Variants in LEPR observed in about 807,000 individuals in gnomAD.
LEPR encodes OB receptor.
Under a neutral mutation model 114.7 loss-of-function variants are expected in LEPR, and 56 were observed. The observed-to-expected ratio is 0.49, with a 90% confidence interval of 0.39 to 0.61. The LOEUF (loss-of-function observed/expected upper bound fraction) is 0.61. LEPR is among the 20% of genes least tolerant of loss of function. The pLI is 0.00. For missense variants in LEPR, 1,202 were observed against 1,352.9 expected (o/e 0.89, Z 1.75); for synonymous variants, 443 against 461.4 (o/e 0.96, Z 0.51).
At chr1:65,594,945 T>G (rs1655955457) in intron 6 of LEPR, among the ~76,000 whole-genome samples, 1 of 152,058 alleles carries the variant, frequency 6.6e-6, no homozygotes, top group Non-Finnish European at 1.5e-5. Context: ...TTTCTAATAT[T>G]AATGCATATT....
chr1:65,451,091 GTTCATGTCCT>G, intron 2 of LEPR, among the ~76,000 whole-genome samples: 1 of 151,934 alleles, frequency 6.6e-6, no homozygotes, highest in South Asian at 2.1e-4. Flanking sequence ...AGAAGTGTCT[GTTCATGTCCT>G]TTGCCCACTT....
chr1:65,430,607 G>T (rs975076414), intron 2 of LEPR, among the ~76,000 whole-genome samples: 1 of 152,086 alleles, frequency 6.6e-6, no homozygotes, highest in African/African-American at 2.4e-5. Flanking sequence ...CCTACTATTT[G>T]ATTTTATTCC....
intron 2 of LEPR, among the ~76,000 whole-genome samples, chr1:65,553,015 C>A (rs1024247525): frequency 1.9e-4 from 29 of 152,116 alleles, no homozygotes; most frequent in African/African-American, 5.3e-4. Context: ...GTTGAAAGTT[C>A]TTTTCTTTAA....
At chr1:65,550,654 T>C (rs1286799862) in intron 2 of LEPR, among the ~76,000 whole-genome samples, 1 of 152,172 alleles carries the variant, frequency 6.6e-6, no homozygotes, top group Non-Finnish European at 1.5e-5. Context: ...GTGCGCCCTT[T>C]CCTAAGCCTG....
intron 2 of LEPR, among the ~76,000 whole-genome samples, chr1:65,515,727 G>T (rs1007421968): frequency 1.3e-5 from 2 of 152,134 alleles, no homozygotes; most frequent in African/African-American, 4.8e-5. Flanking sequence ...CATTAATGGA[G>T]CAACTATATG....
At chr1:65,591,362 C>A (rs1266609910) in intron 5 of LEPR, among the ~76,000 whole-genome samples, 2 of 152,014 alleles carry the variant, frequency 1.3e-5, no homozygotes, top group African/African-American at 2.4e-5. Context: ...CGTTTTTATC[C>A]TTACTAATTT....
At chr1:65,518,889 C>CT (rs1277282315) in intron 2 of LEPR, among the ~76,000 whole-genome samples, 2 of 82,298 alleles carry the variant, frequency 2.4e-5, no homozygotes, top group Non-Finnish European at 2.8e-5. Context: ...TTCTTTCTTT[C>CT]TTTCTTTCTT....
intron 2 of LEPR, among the ~76,000 whole-genome samples, chr1:65,463,788 G>A (rs1646976154): frequency 6.6e-6 from 1 of 152,058 alleles, no homozygotes; most frequent in African/African-American, 2.4e-5. Flanking sequence ...TGTATTAATT[G>A]TGAATGGGAG....
At chr1:65,475,059 G>GA (rs11335638) in intron 2 of LEPR, among the ~76,000 whole-genome samples, 121 of 128,552 alleles carry the variant, frequency 9.4e-4, no homozygotes, top group African/African-American at 2.7e-3. Flanking sequence ...TTTGAAAGGT[G>GA]AAAAAAAAAA....
chr1:65,580,862 G>C (rs1654935182), intron 5 of LEPR, among the ~76,000 whole-genome samples: 1 of 152,158 alleles, frequency 6.6e-6, no homozygotes, highest in Non-Finnish European at 1.5e-5. Flanking sequence ...ATTTGCAAAG[G>C]CCCAGAGGCA....
chr1:65,448,082 A>T (rs1333065676), intron 2 of LEPR, among the ~76,000 whole-genome samples: 1 of 152,154 alleles, frequency 6.6e-6, no homozygotes, highest in Non-Finnish European at 1.5e-5. Flanking sequence ...GAGAGGGAAC[A>T]TCCTTATCTT....
At chr1:65,554,564 C>G (rs183151208) in intron 2 of LEPR, among the ~76,000 whole-genome samples, 1 of 152,236 alleles carries the variant, frequency 6.6e-6, no homozygotes, top group East Asian at 1.9e-4. Context: ...TTCCTTCCCC[C>G]ACCAAGCTTG....
chr1:65,549,667 C>T (rs1652119823), intron 2 of LEPR, among the ~76,000 whole-genome samples: 2 of 152,170 alleles, frequency 1.3e-5, no homozygotes, highest in African/African-American at 2.4e-5. Context: ...GCTCTATCAG[C>T]TCCTTTAAGC....
intron 2 of LEPR, among the ~76,000 whole-genome samples, chr1:65,438,102 C>T (rs1292030221): frequency 6.9e-6 from 1 of 145,426 alleles, no homozygotes; most frequent in Non-Finnish European, 1.5e-5. Context: ...TGGGCCATGG[C>T]TCCTAGCCGC....
chr1:65,601,583 C>G lies in LEPR; in HGVS notation c.1186C>G (p.Leu396Val), dbSNP rs748614395. ...TGTTAGCAAAGTTACTTTTTTCAAT[C>G]TGAATGAAACCAAACCTCGAGGAAA... ...DHVSKVTFFN[L>V]NETKPRGKFT... Residue 396 changes from leucine (L) to valine (V), a missense_variant, in exon 9 of 20, where the codon CTG becomes GTG. Transcript: ENST00000349533. 4 of 1,613,792 alleles carry G rather than the reference C, an allele frequency of 2.5e-6. No individual in the cohort carries two copies. Among genetic ancestry groups the G allele is most frequent in the African/African-American group, 1.3e-5 (1 of 75,036 alleles).
rs554196132 is a variant in LEPR, at chr1:65,467,620, T to C, written c.-21+42242T>C. The stretch of plus-strand genomic sequence containing the variant: ...GCAGAAGCCGTCTGCTACCTTTTGT[T>C]CTACTATACCCTGCCCCCAGAGGTG... On this transcript the variant is annotated intron_variant, in intron 2 of 19. Transcript: ENST00000349533. 5.3e-5 allele frequency among the ~76,000 whole-genome samples: 8 copies of C among 152,334 alleles called. No homozygotes were observed. The South Asian group carries it at 1.7e-3, about 32-fold the overall frequency.
At chr1:65,443,053 C>G (rs1258268980) in intron 2 of LEPR, among the ~76,000 whole-genome samples, 2 of 152,180 alleles carry the variant, frequency 1.3e-5, no homozygotes, top group Non-Finnish European at 2.9e-5. Context: ...CCAACTCTTA[C>G]CACTTTTCAA....
chr1:65,620,720 A>G (rs1043918199), intron 17 of LEPR, among the ~76,000 whole-genome samples: 3 of 152,220 alleles, frequency 2.0e-5, no homozygotes, highest in East Asian at 1.9e-4. Flanking sequence ...TTTATGCAAC[A>G]TGAACTACAG....
chr1:65,502,053 C>T (rs1056912005), intron 2 of LEPR, among the ~76,000 whole-genome samples: 1 of 152,072 alleles, frequency 6.6e-6, no homozygotes, highest in African/African-American at 2.4e-5. Context: ...AAATGATTGA[C>T]CACTGGAAGG....
Sources: gnomAD v4.1 joint callset for allele counts (sites outside exome capture counted in the v4.1 genomes callset) on GRCh38, gnomAD v4.1.1 for gene constraint, MANE v1.5 for transcripts, NCBI Gene and HGNC (gene_info 2026-07-23, HGNC 2026-07-21) for gene names.